The following AUTS2 variants were observed in gnomAD, a reference collection of about 807,000 sequenced individuals.
The protein encoded by AUTS2 is activator of transcription and developmental regulator AUTS2.
AUTS2 carries 17 observed loss-of-function variants against 112.4 expected under a neutral mutation model. The observed-to-expected ratio is 0.15, with a 90% CI of 0.10 to 0.23. The LOEUF (loss-of-function observed/expected upper bound fraction) is 0.23. Among genes scored for constraint, AUTS2 ranks in the 10% least tolerant of loss-of-function variants. AUTS2 has a pLI of 1.00. For synonymous variants in AUTS2, 751 were observed against 702.7 expected, an observed-to-expected ratio of 1.07 and a Z score of -1.09; for missense variants, 1,510 against 1,701.6, an observed-to-expected ratio of 0.89 and a Z score of 1.98.
intron 2 of AUTS2, among the ~76,000 whole-genome samples, chr7:70,030,533 A>G (rs921050102): frequency 6.6e-6 from 1 of 152,162 alleles, no homozygotes; most frequent in African/African-American, 2.4e-5. Flanking sequence ...AAACAGAGAA[A>G]ACAACAGGCT....
chr7:69,877,984 G>A (rs1562945153), intron 1 of AUTS2, among the ~76,000 whole-genome samples: 1 of 152,208 alleles, frequency 6.6e-6, no homozygotes, highest in South Asian at 2.1e-4. Context: ...GATCTTCCTA[G>A]GAGGAGCCAC....
At chr7:69,961,471 T>A (rs1194074113) in intron 2 of AUTS2, among the ~76,000 whole-genome samples, 1 of 152,120 alleles carries the variant, frequency 6.6e-6, no homozygotes, top group East Asian at 1.9e-4. Context: ...TTTAGGAAAA[T>A]CTCTTTAACA....
At chr7:70,195,434 G>T (rs2129584280) in intron 4 of AUTS2, among the ~76,000 whole-genome samples, 1 of 152,276 alleles carries the variant, frequency 6.6e-6, no homozygotes, top group East Asian at 1.9e-4. Flanking sequence ...ATCCCTTGAG[G>T]TCAGGAGTTC....
chr7:70,728,750 C>T (rs7784801), intron 6 of AUTS2, among the ~76,000 whole-genome samples: 29,659 of 149,954 alleles, frequency 0.2, 2,955 homozygotes, highest in East Asian at 0.23. Flanking sequence ...GAGGCAGCAC[C>T]GTGCAAGTTG....
intron 2 of AUTS2, among the ~76,000 whole-genome samples, chr7:70,095,480 T>C (rs944985892): frequency 2.6e-5 from 4 of 152,186 alleles, no homozygotes; most frequent in African/African-American, 9.7e-5. Flanking sequence ...TCAGGAGTGG[T>C]AATGAATGGG....
intron 1 of AUTS2, among the ~76,000 whole-genome samples, chr7:69,676,863 G>T (rs1796591072): frequency 6.6e-6 from 1 of 150,484 alleles, no homozygotes; most frequent in Non-Finnish European, 1.5e-5. Flanking sequence ...TTCTGACCAT[G>T]CTTCATATAT....
At chr7:70,192,458 G>A (rs1562777812) in intron 4 of AUTS2, among the ~76,000 whole-genome samples, 1 of 152,274 alleles carries the variant, frequency 6.6e-6, no homozygotes, top group Admixed American at 6.5e-5. Flanking sequence ...CTGATATGTG[G>A]AGCAAACAAG....
At chr7:69,713,208 C>T (rs1798415508) in intron 1 of AUTS2, among the ~76,000 whole-genome samples, 1 of 152,146 alleles carries the variant, frequency 6.6e-6, no homozygotes. Context: ...ATATCTACCA[C>T]CTCATACATT....
intron 4 of AUTS2, among the ~76,000 whole-genome samples, chr7:70,425,014 A>C (rs1795374767): frequency 6.6e-6 from 1 of 152,144 alleles, no homozygotes; most frequent in African/African-American, 2.4e-5. Flanking sequence ...GCTTTTCCAA[A>C]ATAGAGAGCT....
intron 5 of AUTS2, among the ~76,000 whole-genome samples, chr7:70,656,934 T>A (rs552978063): frequency 6.6e-6 from 1 of 152,206 alleles, no homozygotes. Context: ...CTAGGTCATA[T>A]CTGTATTTTA....
chr7:69,848,269 T>C (rs1025072518), intron 1 of AUTS2, among the ~76,000 whole-genome samples: 5 of 152,156 alleles, frequency 3.3e-5, no homozygotes, highest in Admixed American at 2.0e-4. Context: ...TGTAACCCCA[T>C]TAAGAGGTTG....
chr7:69,722,008 C>G (rs778195252), intron 1 of AUTS2, among the ~76,000 whole-genome samples: 2 of 146,964 alleles, frequency 1.4e-5, no homozygotes, highest in Admixed American at 6.9e-5. Flanking sequence ...TTTTGGGAAG[C>G]AGGGAAGTAG....
At chr7:69,938,661 G>A (rs1428429274) in intron 2 of AUTS2, among the ~76,000 whole-genome samples, 4 of 152,222 alleles carry the variant, frequency 2.6e-5, no homozygotes, top group Admixed American at 1.3e-4. Flanking sequence ...CTAACCTAGG[G>A]AAGTGCAATG....
In AUTS2 at chr7:70,773,878, G is replaced by T. The variant is rs970719804; in HGVS notation, c.1831-150G>T. 6 of 719,640 alleles carry T rather than the reference G, an allele frequency of 8.3e-6. No homozygotes were observed. In the Admixed American group the frequency reaches 1.3e-4, roughly 16 times the overall value. The allele number at this position is 719,640 out of a possible 1,614,324, so 44.6% of individuals were successfully genotyped here. ...GTCAGGCCCCCTTGAGAAAGAGCAT[G>T]TGTGGTCCCTGAGAAAAATGAATCT... is the stretch of plus-strand genomic sequence containing the variant. On this transcript the variant is annotated intron_variant, in intron 11 of 18. Transcript: ENST00000342771.
At chr7:69,886,763 TTGTGTGTGTGTGTGTG>T (rs3220664) in intron 1 of AUTS2, among the ~76,000 whole-genome samples, 57 of 129,870 alleles carry the variant, frequency 4.4e-4, no homozygotes, top group South Asian at 2.6e-3. Flanking sequence ...TTTGACTTCT[TTGTGTGTGTGTGTGTG>T]TGTGTGTGTG....
chr7:69,877,804 C>G (rs923383890), intron 1 of AUTS2, among the ~76,000 whole-genome samples: 3 of 152,190 alleles, frequency 2.0e-5, no homozygotes, highest in African/African-American at 7.2e-5. Context: ...GAACATCCTA[C>G]AGACCACTGG....
At chr7:69,831,055 A>C (rs1791480317) in intron 1 of AUTS2, among the ~76,000 whole-genome samples, 2 of 152,206 alleles carry the variant, frequency 1.3e-5, no homozygotes, top group African/African-American at 4.8e-5. Context: ...GTCAGTATTC[A>C]ACAGTGAAAT....
intron 4 of AUTS2, among the ~76,000 whole-genome samples, chr7:70,345,043 T>C (rs1477719913): frequency 6.6e-6 from 1 of 152,230 alleles, no homozygotes; most frequent in Non-Finnish European, 1.5e-5. Flanking sequence ...GCCCTCTGTA[T>C]AATAAGCTTC....
chr7:69,623,712 C>G (rs1331906839), intron 1 of AUTS2, among the ~76,000 whole-genome samples: 1 of 152,016 alleles, frequency 6.6e-6, no homozygotes, highest in East Asian at 1.9e-4. Flanking sequence ...AGAAAACATT[C>G]CTGTGTATTT....
Sources: allele counts gnomAD v4.1 joint callset (sites outside exome capture counted in the v4.1 genomes callset), GRCh38; gene constraint gnomAD v4.1.1; transcripts MANE v1.5; gene names NCBI Gene and HGNC (gene_info 2026-07-23, HGNC 2026-07-21).